The following PDE4B variants were observed in gnomAD, a reference collection of about 807,000 sequenced individuals.
PDE4B encodes the protein 3',5'-cyclic-AMP phosphodiesterase 4B.
PDE4B carries 20 observed loss-of-function variants against 82.2 expected under a neutral mutation model. The observed-to-expected ratio is 0.24, with a 90% CI of 0.17 to 0.35. The LOEUF is 0.35. Among genes scored for constraint, PDE4B ranks in the 10% least tolerant of loss-of-function variants. PDE4B has a pLI of 1.00. For synonymous variants in PDE4B, 320 were observed against 318.9 expected (o/e 1.00, Z -0.04); for missense variants, 655 against 907.2 (o/e 0.72, Z 3.57).
chr1:66,091,978 A>C (rs1347939229), intron 3 of PDE4B, among the ~76,000 whole-genome samples: 3 of 152,074 alleles, frequency 2.0e-5, no homozygotes, highest in Non-Finnish European at 4.4e-5. Flanking sequence ...CACAATTAAG[A>C]GTAAAATTTG....
chr1:65,998,054 C>T (rs1651649819), intron 3 of PDE4B, among the ~76,000 whole-genome samples: 1 of 152,056 alleles, frequency 6.6e-6, no homozygotes, highest in African/African-American at 2.4e-5. Context: ...CAAATAATAA[C>T]AATAATAGCT....
chr1:65,917,349 G>A (rs1237237371), intron 2 of PDE4B, among the ~76,000 whole-genome samples: 3 of 152,326 alleles, frequency 2.0e-5, no homozygotes, highest in African/African-American at 7.2e-5. Flanking sequence ...AGTCTGAAGA[G>A]CTAGTAGGAA....
chr1:66,348,044 ACTGGATGGT>A (rs1297498211), intron 8 of PDE4B, among the ~76,000 whole-genome samples: 1 of 152,200 alleles, frequency 6.6e-6, no homozygotes, highest in African/African-American at 2.4e-5. Context: ...AGGACACTAG[ACTGGATGGT>A]CTGTGGGTCT....
intron 3 of PDE4B, among the ~76,000 whole-genome samples, chr1:66,240,684 C>T (rs79107146): frequency 0.063 from 9,589 of 152,226 alleles, 960 homozygotes; most frequent in African/African-American, 0.21. Flanking sequence ...TATTCTCAGG[C>T]GGAGAACAGT....
chr1:66,057,843 C>G (rs1297056809), intron 3 of PDE4B, among the ~76,000 whole-genome samples: 1 of 152,110 alleles, frequency 6.6e-6, no homozygotes, highest in Non-Finnish European at 1.5e-5. Context: ...GGACACAAAA[C>G]CAAACCATAT....
chr1:66,319,371 G>A (rs1659244652), intron 7 of PDE4B, among the ~76,000 whole-genome samples: 1 of 152,164 alleles, frequency 6.6e-6, no homozygotes, highest in African/African-American at 2.4e-5. Context: ...ATAAAATTGA[G>A]GGATAAATAA....
intron 1 of PDE4B, among the ~76,000 whole-genome samples, chr1:65,883,921 G>T (rs1455105804): frequency 2.0e-5 from 3 of 152,110 alleles, no homozygotes; most frequent in Non-Finnish European, 4.4e-5. Flanking sequence ...TAATCATGTG[G>T]TTTTTGTCTT....
intron 3 of PDE4B, among the ~76,000 whole-genome samples, chr1:66,108,227 GC>G (rs1416937354): frequency 6.6e-6 from 1 of 151,820 alleles, no homozygotes; most frequent in Non-Finnish European, 1.5e-5. Context: ...CCTGTCACCT[GC>G]CCACCCCAGT....
chr1:66,074,087 C>T (rs1656298703), intron 3 of PDE4B, among the ~76,000 whole-genome samples: 1 of 152,054 alleles, frequency 6.6e-6, no homozygotes. Flanking sequence ...TTCAGGCAGG[C>T]AATCTTACCC....
At chr1:66,161,611 A>T (rs1646615126) in intron 3 of PDE4B, among the ~76,000 whole-genome samples, 1 of 151,988 alleles carries the variant, frequency 6.6e-6, no homozygotes, top group Non-Finnish European at 1.5e-5. Context: ...CTATAAGGTT[A>T]TTATTATTAT....
At chr1:65,912,555 A>G (rs1012467938) in intron 1 of PDE4B, among the ~76,000 whole-genome samples, 3 of 152,206 alleles carry the variant, frequency 2.0e-5, no homozygotes, top group Admixed American at 6.5e-5. Flanking sequence ...CAGCATCTCT[A>G]TCTCAAAATA....
chr1:65,887,278 T>TCTTC (rs1398340254), intron 1 of PDE4B, among the ~76,000 whole-genome samples: 2 of 131,996 alleles, frequency 1.5e-5, no homozygotes, highest in Middle Eastern at 3.8e-3. Context: ...CTTCTTTCTT[T>TCTTC]CTTTTTCTTT....
chr1:66,160,580 A>C (rs1290142919), intron 3 of PDE4B, among the ~76,000 whole-genome samples: 1 of 152,114 alleles, frequency 6.6e-6, no homozygotes, highest in Non-Finnish European at 1.5e-5. Flanking sequence ...AAAGGGTCGC[A>C]CTCAGCAGAT....
At chr1:66,365,909 T>C in intron 13 of PDE4B, 143 bp downstream of exon 13, 1 of 506,748 alleles carries the variant, frequency 2.0e-6, no homozygotes, top group Non-Finnish European at 3.5e-6. Context: ...GTCAGGCCTT[T>C]CGTGGATACT....
At chr1:65,923,675 T>G (rs929684344) in intron 3 of PDE4B, among the ~76,000 whole-genome samples, 5 of 152,214 alleles carry the variant, frequency 3.3e-5, no homozygotes, top group Non-Finnish European at 7.3e-5. Context: ...AAACTATTTT[T>G]CCCTGCTTTT....
At chr1:66,195,378 C>T (rs1024630003) in intron 3 of PDE4B, among the ~76,000 whole-genome samples, 1 of 152,106 alleles carries the variant, frequency 6.6e-6, no homozygotes. Flanking sequence ...CATTTATTAA[C>T]AACATGACTA....
At chr1:66,368,761 A>G (rs767766209) in intron 15 of PDE4B, 26 bp from the exon 16 acceptor site, 1 of 1,485,862 alleles carries the variant, frequency 6.7e-7, no homozygotes, top group Non-Finnish European at 9.0e-7. Context: ...TAATTTTATG[A>G]GATTTCCAAA....
At chr1:66,363,594 G>T in intron 12 of PDE4B, 23 bp downstream of exon 12, 1 of 1,590,392 alleles carries the variant, frequency 6.3e-7, no homozygotes, top group East Asian at 2.2e-5. Context: ...GACCTGTTTT[G>T]CATTCCTGCC....
intron 1 of PDE4B, among the ~76,000 whole-genome samples, chr1:65,805,800 T>C (rs1374225698): frequency 6.6e-6 from 1 of 152,228 alleles, no homozygotes; most frequent in African/African-American, 2.4e-5. Context: ...CTGTTGGCTG[T>C]CATTTTAGCC....
Sources: allele counts gnomAD v4.1 joint callset (sites outside exome capture counted in the v4.1 genomes callset), GRCh38; gene constraint gnomAD v4.1.1; transcripts MANE v1.5; gene names NCBI Gene and HGNC (gene_info 2026-07-23, HGNC 2026-07-21).